TNNI3K: variants seen among roughly 807,000 people sequenced by gnomAD.
TNNI3K encodes TNNI3 interacting kinase, also known as serine/threonine-protein kinase TNNI3K.
A neutral mutation model predicts 114.5 loss-of-function variants in TNNI3K; 140 were observed. That is an observed-to-expected ratio of 1.22 (90% CI 1.07 to 1.41). The LOEUF (loss-of-function observed/expected upper bound fraction) is 1.41, where lower values mean the gene tolerates loss of function less well. Ranked by LOEUF, TNNI3K falls within the 40% of genes most tolerant of loss-of-function variation. The pLI is 0.00. For missense variants in TNNI3K, 1,125 were observed against 1,007.6 expected, an observed-to-expected ratio of 1.12 and a Z score of -1.58; for synonymous variants, 347 against 347.5, an observed-to-expected ratio of 1.00 and a Z score of 0.02.
At chr1:74,336,177 G>GATATAT (rs1439755383) in intron 7 of TNNI3K, 28 bp downstream of exon 7, 2 of 1,580,876 alleles carry the variant, frequency 1.3e-6, no homozygotes, top group East Asian at 4.5e-5. Context: ...AAAGACCTTT[G>GATATAT]CTATCATTTG....
At position 74,436,518 on chromosome 1, in the gene TNNI3K, C is replaced by T. The variant is rs200226149; in HGVS notation, c.1870C>T (p.Gln624Ter). Residue 624 changes from glutamine to a stop codon, truncating the protein, a stop_gained, in exon 19 of 25, where the codon CAA becomes TAA. Coordinates refer to ENST00000326637, the MANE Select transcript of TNNI3K (RefSeq NM_015978.3). LOFTEE classifies it high-confidence loss of function. ...QSLDEDNMTK[Q>*]PGNLRWMAPE... Reference sequence around the variant, plus strand: ...TCTGGATGAAGACAACATGACAAAACAACCTGGGGTTTGCTGCTGCTTGTG... The same window carrying T: ...TCTGGATGAAGACAACATGACAAAATAACCTGGGGTTTGCTGCTGCTTGTG... The T allele has an allele frequency of 6.3e-7, 1 of 1,585,722 alleles. No homozygotes were observed. The highest frequency in any genetic ancestry group is 8.5e-7 in the Non-Finnish European group (1 of 1,172,614).
intron 4 of TNNI3K, among the ~76,000 whole-genome samples, chr1:74,259,544 G>A (rs1371234870): frequency 6.6e-6 from 1 of 152,134 alleles, no homozygotes; most frequent in Admixed American, 6.5e-5. Flanking sequence ...CACTTTGGGA[G>A]GCTGAGGCAG....
intron 9 of TNNI3K, among the ~76,000 whole-genome samples, chr1:74,346,827 C>T (rs1206624366): frequency 2.0e-5 from 3 of 151,750 alleles, no homozygotes; most frequent in Admixed American, 1.3e-4. Flanking sequence ...CAGCCTCTTC[C>T]CTTGGCTTGC....
intron 7 of TNNI3K, among the ~76,000 whole-genome samples, chr1:74,341,075 G>A (rs1660725196): frequency 6.6e-6 from 1 of 152,168 alleles, no homozygotes; most frequent in Non-Finnish European, 1.5e-5. Context: ...TTAAGACCCT[G>A]TCTAGATTGA....
chr1:74,416,223 GA>G (rs1665109182), intron 17 of TNNI3K: 1 of 893,838 alleles, frequency 1.1e-6, no homozygotes, highest in South Asian at 5.1e-5. Context: ...TCAAAGACGT[GA>G]GGAGTTTAAA....
At chr1:74,516,587 C>A (rs1255852162) in intron 23 of TNNI3K, among the ~76,000 whole-genome samples, 1 of 152,126 alleles carries the variant, frequency 6.6e-6, no homozygotes, top group Non-Finnish European at 1.5e-5. Flanking sequence ...AGACCCAGGC[C>A]TGCTGCTTGA....
chr1:74,489,349 AG>A (rs1668929106), intron 22 of TNNI3K, 101 bp downstream of exon 22: 3 of 1,213,976 alleles, frequency 2.5e-6, no homozygotes, highest in Admixed American at 4.7e-5. Context: ...AGTTACTGTG[AG>A]GACCCATAAC....
chr1:74,447,416 A>C (rs1381780248), intron 20 of TNNI3K, among the ~76,000 whole-genome samples: 2 of 148,766 alleles, frequency 1.3e-5, no homozygotes, highest in African/African-American at 2.6e-5. Flanking sequence ...TTTACAAGAA[A>C]AAAACAAACA....
chr1:74,435,302 A>C (rs1296839039), intron 17 of TNNI3K, among the ~76,000 whole-genome samples: 1 of 152,080 alleles, frequency 6.6e-6, no homozygotes, highest in Non-Finnish European at 1.5e-5. Flanking sequence ...TTGAGGTATA[A>C]TTAACAAATA....
chr1:74,488,588 CA>C (rs1226184083), intron 21 of TNNI3K, among the ~76,000 whole-genome samples: 5 of 152,132 alleles, frequency 3.3e-5, no homozygotes, highest in Non-Finnish European at 7.4e-5. Context: ...GCAACTGGAA[CA>C]AAGCTTGAAA....
intron 23 of TNNI3K, among the ~76,000 whole-genome samples, chr1:74,506,395 C>A (rs556046225): frequency 6.6e-6 from 1 of 152,268 alleles, no homozygotes; most frequent in African/African-American, 2.4e-5. Flanking sequence ...AACAGCAGGG[C>A]CAAGATTTGA....
intron 20 of TNNI3K, among the ~76,000 whole-genome samples, chr1:74,440,409 T>C (rs922791544): frequency 6.6e-6 from 1 of 152,068 alleles, no homozygotes; most frequent in African/African-American, 2.4e-5. Context: ...TATTGTAATC[T>C]CCTAATGGCC....
At chr1:74,457,782 TA>T (rs1413321150) in intron 20 of TNNI3K, among the ~76,000 whole-genome samples, 2 of 152,138 alleles carry the variant, frequency 1.3e-5, no homozygotes, top group African/African-American at 4.8e-5. Context: ...AACTTATCCG[TA>T]AGTGGGGTAT....
At chr1:74,313,745 A>G (rs955523114) in intron 5 of TNNI3K, among the ~76,000 whole-genome samples, 4 of 151,976 alleles carry the variant, frequency 2.6e-5, no homozygotes, top group African/African-American at 7.3e-5. Flanking sequence ...GTGAAAAGCT[A>G]TTCTCTGTAC....
intron 17 of TNNI3K, among the ~76,000 whole-genome samples, chr1:74,417,682 TTGTGTGTG>T (rs10529693): frequency 0.024 from 3,321 of 137,078 alleles, 75 homozygotes; most frequent in African/African-American, 0.068. Context: ...GTGTACGTGT[TTGTGTGTG>T]TGTGTGTGTG....
In TNNI3K at chr1:74,358,116, C is replaced by T. The variant is rs908940325; in HGVS notation, c.1177+3987C>T. ...AAAGGCTGCCTTTGACAAAGAAAAG[C>T]ACTCCTATATGTCAGGCTGTTTAGG... On this transcript the variant is annotated intron_variant, in intron 11 of 24. Coordinates refer to ENST00000326637, the MANE Select transcript of TNNI3K (RefSeq NM_015978.3). Among the ~76,000 whole-genome samples, 7 of 152,130 alleles carry T rather than the reference C, an allele frequency of 4.6e-5. No individual in the cohort carries two copies. The East Asian group carries it at 1.2e-3, about 25-fold the overall frequency.
chr1:74,278,167 G>T (rs1224314714), intron 5 of TNNI3K, among the ~76,000 whole-genome samples: 5 of 152,106 alleles, frequency 3.3e-5, no homozygotes, highest in African/African-American at 7.2e-5. Flanking sequence ...TAGAGAGAGG[G>T]TAGTCATGAG....
intron 17 of TNNI3K, among the ~76,000 whole-genome samples, chr1:74,414,338 G>T (rs1665021275): frequency 6.6e-6 from 1 of 152,064 alleles, no homozygotes; most frequent in African/African-American, 2.4e-5. Flanking sequence ...TTCATATGAA[G>T]AAATTATAAC....
chr1:74,323,122 A>T (rs1659711847), intron 5 of TNNI3K, among the ~76,000 whole-genome samples: 1 of 152,178 alleles, frequency 6.6e-6, no homozygotes, highest in African/African-American at 2.4e-5. Flanking sequence ...CAATTATATA[A>T]TCATGGTCCT....
Sources: gnomAD v4.1 joint callset for allele counts (sites outside exome capture counted in the v4.1 genomes callset) on GRCh38, gnomAD v4.1.1 for gene constraint, MANE v1.5 for transcripts, NCBI Gene and HGNC (gene_info 2026-07-23, HGNC 2026-07-21) for gene names.